Variants in SLC9A9 observed in about 807,000 individuals in gnomAD.
SLC9A9 encodes the protein sodium/hydrogen exchanger 9.
A neutral mutation model predicts 77.8 loss-of-function variants in SLC9A9; 62 were observed. That is an observed-to-expected ratio of 0.80 (90% CI 0.65 to 0.98). SLC9A9 has a LOEUF of 0.98. SLC9A9 is among the 50% of genes least tolerant of loss of function. SLC9A9 has a pLI of 0.00. For synonymous variants in SLC9A9, 320 were observed against 283.5 expected (o/e 1.13, Z -1.29); for missense variants, 775 against 774.9 (o/e 1.00, Z 0.00).
intron 8 of SLC9A9, among the ~76,000 whole-genome samples, chr3:143,553,495 G>A (rs1035421293): frequency 3.3e-5 from 5 of 152,162 alleles, no homozygotes; most frequent in African/African-American, 1.2e-4. Context: ...TAAATTAAAT[G>A]CTGATGATTC....
intron 5 of SLC9A9, among the ~76,000 whole-genome samples, chr3:143,688,623 G>C (rs1327629717): frequency 1.3e-5 from 2 of 152,070 alleles, no homozygotes; most frequent in Admixed American, 1.3e-4. Context: ...CTGTGTGAGA[G>C]TGAAATCTTC....
intron 14 of SLC9A9, among the ~76,000 whole-genome samples, chr3:143,304,387 T>G (rs2030681165): frequency 6.6e-6 from 1 of 152,202 alleles, no homozygotes; most frequent in Admixed American, 6.5e-5. Flanking sequence ...CAACAAACAT[T>G]CTGGTTAGAC....
chr3:143,724,291 T>TACTAGAGCAA (rs1560049801), intron 4 of SLC9A9, among the ~76,000 whole-genome samples: 1 of 152,202 alleles, frequency 6.6e-6, no homozygotes, highest in African/African-American at 2.4e-5. Flanking sequence ...TGTCAAGAAG[T>TACTAGAGCAA]TCTCTGCTTC....
chr3:143,560,519 T>C (rs1471418319), intron 8 of SLC9A9, among the ~76,000 whole-genome samples: 1 of 152,212 alleles, frequency 6.6e-6, no homozygotes, highest in African/African-American at 2.4e-5. Context: ...TTTCTTTTCC[T>C]AGCTTTCCAG....
chr3:143,454,127 C>T lies in SLC9A9; in HGVS notation c.1469+12910G>A, dbSNP rs138302007. Among the ~76,000 whole-genome samples the T allele has an allele frequency of 4.3e-3, 647 of 152,214 alleles. 5 individuals are homozygous for T. Among genetic ancestry groups the T allele is most frequent in the African/African-American group, 0.015 (622 of 41,534 alleles). ...TGGGAGAAAATAAATTTCTGTTCTT[C>T]GTAAGTTTTCCAGTCTTAGGTATTC... On this transcript the variant is annotated intron_variant, in intron 12 of 15. Transcript: ENST00000316549.
rs563911130 is a variant in SLC9A9 at position 143,511,929 on chromosome 3, T to G, written c.1090-16481A>C. On this transcript the variant is annotated intron_variant, in intron 9 of 15. Coordinates refer to ENST00000316549, the MANE Select transcript of SLC9A9 (RefSeq NM_173653.4). ...TTTCTTATATGCCTTATACTTCAGATGCTGAATACCCTGGAATTTCACCTT... is the reference window on the plus strand; with the variant it reads ...TTTCTTATATGCCTTATACTTCAGAGGCTGAATACCCTGGAATTTCACCTT... 2.6e-5 allele frequency among the ~76,000 whole-genome samples: 4 copies of G among 152,342 alleles called. No homozygotes were observed. In the East Asian group the frequency reaches 7.7e-4, roughly 29 times the overall value.
chr3:143,362,721 A>C (rs1416702457), intron 14 of SLC9A9, among the ~76,000 whole-genome samples: 3 of 152,192 alleles, frequency 2.0e-5, no homozygotes, highest in Non-Finnish European at 4.4e-5. Context: ...GACCCAACAC[A>C]TTCAATTTAC....
intron 14 of SLC9A9, among the ~76,000 whole-genome samples, chr3:143,276,068 G>A (rs986808935): frequency 6.6e-6 from 1 of 150,420 alleles, no homozygotes; most frequent in Non-Finnish European, 1.5e-5. Flanking sequence ...ACCCTATCCT[G>A]CTCAATTCTA....
intron 13 of SLC9A9, among the ~76,000 whole-genome samples, chr3:143,375,180 A>G (rs1162967732): frequency 6.6e-6 from 1 of 152,258 alleles, no homozygotes; most frequent in South Asian, 2.1e-4. Flanking sequence ...TTGGAACCAT[A>G]AAATAAGTAT....
At chr3:143,673,757 C>T (rs2039194216) in intron 5 of SLC9A9, among the ~76,000 whole-genome samples, 1 of 151,710 alleles carries the variant, frequency 6.6e-6, no homozygotes, top group African/African-American at 2.4e-5. Flanking sequence ...AGGGGGGCAG[C>T]ATCTGGAAAC....
At chr3:143,647,042 T>C (rs2038718814) in intron 6 of SLC9A9, among the ~76,000 whole-genome samples, 1 of 152,202 alleles carries the variant, frequency 6.6e-6, no homozygotes, top group Non-Finnish European at 1.5e-5. Flanking sequence ...GCTTACCTTT[T>C]ATTATTGGTC....
intron 4 of SLC9A9, among the ~76,000 whole-genome samples, chr3:143,786,866 C>T (rs1308056168): frequency 6.6e-6 from 1 of 152,130 alleles, no homozygotes; most frequent in Non-Finnish European, 1.5e-5. Context: ...TGTTTTGCAG[C>T]TGGCTGAAAA....
intron 12 of SLC9A9, among the ~76,000 whole-genome samples, chr3:143,417,486 G>T (rs375461971): frequency 6.7e-6 from 1 of 150,366 alleles, no homozygotes; most frequent in Non-Finnish European, 1.5e-5. Context: ...AGAATGGAGC[G>T]GGGGGAGAGG....
intron 5 of SLC9A9, among the ~76,000 whole-genome samples, chr3:143,663,439 C>T (rs116376317): frequency 0.012 from 1,853 of 152,260 alleles, 35 homozygotes; most frequent in African/African-American, 0.042. Context: ...TCGCCAACAA[C>T]GGAACAAAGC....
intron 4 of SLC9A9, among the ~76,000 whole-genome samples, chr3:143,751,471 T>C (rs2006714845): frequency 6.6e-6 from 1 of 152,180 alleles, no homozygotes; most frequent in South Asian, 2.1e-4. Flanking sequence ...CATCCGATGC[T>C]ATAAACATAT....
At chr3:143,287,101 T>TTGTGTGTG (rs3032423) in intron 14 of SLC9A9, among the ~76,000 whole-genome samples, 1,710 of 149,246 alleles carry the variant, frequency 0.011, 28 homozygotes, top group African/African-American at 0.038. Context: ...CTGGTCCCAC[T>TTGTGTGTG]TGTGTGTGTG....
chr3:143,456,073 G>C (rs559699138), intron 12 of SLC9A9, among the ~76,000 whole-genome samples: 1 of 151,840 alleles, frequency 6.6e-6, no homozygotes, highest in East Asian at 1.9e-4. Flanking sequence ...TTAGTTTAAG[G>C]AAGTTTTCTC....
chr3:143,327,453 G>C (rs2031639254), intron 14 of SLC9A9, among the ~76,000 whole-genome samples: 1 of 152,136 alleles, frequency 6.6e-6, no homozygotes, highest in South Asian at 2.1e-4. Context: ...TAATTCAAGA[G>C]GAAAAGGAGA....
chr3:143,417,453 G>T (rs917302012), intron 12 of SLC9A9, among the ~76,000 whole-genome samples: 2 of 150,758 alleles, frequency 1.3e-5, no homozygotes, highest in Admixed American at 6.6e-5. Context: ...ATAAGAGAGA[G>T]GGAGGGGAAG....
Sources: allele counts gnomAD v4.1 joint callset (sites outside exome capture counted in the v4.1 genomes callset), GRCh38; gene constraint gnomAD v4.1.1; transcripts MANE v1.5; gene names NCBI Gene and HGNC (gene_info 2026-07-23, HGNC 2026-07-21).